SYT9: variants seen among roughly 807,000 people sequenced by gnomAD.
SYT9 encodes synaptotagmin-9.
In SYT9, 22 loss-of-function variants were observed where a neutral mutation model predicts 48.4. The observed-to-expected ratio is 0.45, with a 90% CI of 0.32 to 0.65. The LOEUF (loss-of-function observed/expected upper bound fraction) is 0.65. Ranked by LOEUF, SYT9 falls within the 30% of genes least tolerant of loss-of-function variation. SYT9 has a pLI of 0.03. For synonymous variants in SYT9, 265 were observed against 245.0 expected, an observed-to-expected ratio of 1.08 and a Z score of -0.76; for missense variants, 577 against 622.0, an observed-to-expected ratio of 0.93 and a Z score of 0.77.
At chr11:7,437,408 G>A (rs1431735890) in intron 6 of SYT9, among the ~76,000 whole-genome samples, 1 of 152,164 alleles carries the variant, frequency 6.6e-6, no homozygotes, top group Non-Finnish European at 1.5e-5. Context: ...ATAACGTGAT[G>A]CACTTTTTAA....
chr11:7,360,234 A>G (rs961114435), intron 3 of SYT9, among the ~76,000 whole-genome samples: 35 of 152,260 alleles, frequency 2.3e-4, no homozygotes, highest in African/African-American at 8.4e-4. Flanking sequence ...TACCAGTACC[A>G]TGCTGTTTTG....
At chr11:7,409,793 T>G (rs1396157958) in intron 3 of SYT9, among the ~76,000 whole-genome samples, 2 of 152,144 alleles carry the variant, frequency 1.3e-5, no homozygotes, top group Non-Finnish European at 2.9e-5. Context: ...TGTTTATCTT[T>G]TTTTTGAAGA....
At chr11:7,447,788 G>C (rs1260087832) in intron 6 of SYT9, among the ~76,000 whole-genome samples, 1 of 152,186 alleles carries the variant, frequency 6.6e-6, no homozygotes, top group African/African-American at 2.4e-5. Flanking sequence ...CCTGAGAACA[G>C]ATACTGTATC....
intron 1 of SYT9, among the ~76,000 whole-genome samples, chr11:7,297,487 A>G (rs1009849813): frequency 2.6e-5 from 4 of 152,236 alleles, no homozygotes; most frequent in Non-Finnish European, 4.4e-5. Context: ...TAATATTATT[A>G]CATTTTTAGT....
intron 1 of SYT9, among the ~76,000 whole-genome samples, chr11:7,270,398 G>A (rs558872579): frequency 6.4e-4 from 97 of 152,192 alleles, no homozygotes; most frequent in Non-Finnish European, 1.1e-3. Flanking sequence ...AGTGAGAATC[G>A]TTTGCTTTCA....
intron 1 of SYT9, among the ~76,000 whole-genome samples, chr11:7,290,886 T>A (rs2133918696): frequency 6.6e-6 from 1 of 152,246 alleles, no homozygotes; most frequent in East Asian, 1.9e-4. Context: ...AACTAGGTAA[T>A]TTGAGGAGAG....
chr11:7,295,682 T>C (rs1848790371), intron 1 of SYT9, among the ~76,000 whole-genome samples: 1 of 152,204 alleles, frequency 6.6e-6, no homozygotes, highest in Non-Finnish European at 1.5e-5. Context: ...ATTTTAGGTA[T>C]TTATTTGTTT....
In SYT9 at chr11:7,414,547, G is replaced by A. The variant is rs6578863; in HGVS notation, c.1045-1495G>A. Among the ~76,000 whole-genome samples the A allele has an allele frequency of 6.2e-4, 94 of 152,158 alleles. 1 individual carries two copies. Among genetic ancestry groups the A allele is most frequent in the African/African-American group, 1.9e-3 (77 of 41,500 alleles). ...TCTGCTGTGTGTAAAACCTCCAGTC[G>A]TATAGAATTCTAGTCCCCAAGCCCC... On this transcript the variant is annotated intron_variant, in intron 3 of 6. Coordinates refer to ENST00000318881, the MANE Select transcript of SYT9 (RefSeq NM_175733.4).
intron 3 of SYT9, among the ~76,000 whole-genome samples, chr11:7,327,951 T>G: frequency 2.0e-5 from 2 of 99,762 alleles, no homozygotes; most frequent in South Asian, 4.9e-4. Flanking sequence ...AGGGATAGCA[T>G]TGGGAGATAT....
At chr11:7,299,237 A>G in intron 1 of SYT9, among the ~76,000 whole-genome samples, 1 of 152,094 alleles carries the variant, frequency 6.6e-6, no homozygotes, top group East Asian at 1.9e-4. Flanking sequence ...CTCCCTCTCC[A>G]TTTTTGGAGG....
intron 6 of SYT9, among the ~76,000 whole-genome samples, chr11:7,445,195 C>T (rs914982779): frequency 1.3e-5 from 2 of 152,194 alleles, no homozygotes; most frequent in African/African-American, 2.4e-5. Flanking sequence ...AACACAGCAT[C>T]TGGAACTTAA....
At position 7,313,322 on chromosome 11, in the gene SYT9, C is replaced by T; in HGVS notation, c.498-73C>T. 1.4e-5 allele frequency: 20 copies of T among 1,475,692 alleles called. 2 individuals are homozygous for T. The South Asian group carries it at 2.5e-4, about 19-fold the overall frequency. The allele number at this position is 1,475,692 out of a possible 1,614,324, so 91.4% of individuals were successfully genotyped here. A position where few individuals can be genotyped will look rare whatever the true frequency, so the allele number is the denominator to read the frequency against. ...ACAAAATATAACAGTCTACCTACAT[C>T]CCAGGCAAAAGTTTCTGAGAGACCC... is the stretch of plus-strand genomic sequence containing the variant. On this transcript the variant is annotated intron_variant, in intron 2 of 6. Coordinates refer to ENST00000318881, the MANE Select transcript of SYT9 (RefSeq NM_175733.4).
upstream of SYT9, chr11:7,251,805 G>C (rs1012991785): frequency 1.2e-5 from 2 of 170,290 alleles, no homozygotes; most frequent in Admixed American, 6.4e-5. Flanking sequence ...CCAGGTCCCC[G>C]GTCTGGGGCC....
At chr11:7,452,969 A>G (rs2134150485) in intron 6 of SYT9, among the ~76,000 whole-genome samples, 1 of 152,114 alleles carries the variant, frequency 6.6e-6, no homozygotes, top group East Asian at 2.0e-4. Context: ...TTTAGTAGAG[A>G]CGGGGTTTCT....
intron 3 of SYT9, among the ~76,000 whole-genome samples, chr11:7,383,373 C>A (rs1428782742): frequency 1.3e-5 from 2 of 152,166 alleles, no homozygotes; most frequent in Admixed American, 6.5e-5. Context: ...GAAGGGAAAC[C>A]AGATGTCCCC....
At chr11:7,415,125 C>T (rs1001322076) in intron 3 of SYT9, among the ~76,000 whole-genome samples, 1 of 152,042 alleles carries the variant, frequency 6.6e-6, no homozygotes, top group Non-Finnish European at 1.5e-5. Flanking sequence ...TCTTTAGAGG[C>T]ACGCCAGCAA....
intron 6 of SYT9, among the ~76,000 whole-genome samples, chr11:7,446,015 G>C (rs1847922261): frequency 6.6e-6 from 1 of 152,228 alleles, no homozygotes; most frequent in African/African-American, 2.4e-5. Context: ...TGGTCACAAG[G>C]CTGGCTTTTG....
rs1030163920 is a variant in SYT9 at position 7,252,476 on chromosome 11, C to T, written c.145+145C>T. 3.7e-5 allele frequency: 34 copies of T among 916,118 alleles called. No homozygotes were observed. Among genetic ancestry groups the T allele is most frequent in the Non-Finnish European group, 5.0e-5 (34 of 680,254 alleles). 56.7% of individuals were successfully genotyped at this position (916,118 alleles called of 1,614,324 possible). ...AGCCAGGAGAGTGATCAAGAACCAG[C>T]GCACTGTGGCCTGATGCTGTAACCA... On this transcript the variant is annotated intron_variant, in intron 1 of 6. Coordinates refer to ENST00000318881, the MANE Select transcript of SYT9 (RefSeq NM_175733.4). This position sits in a 1 kb window ranked among gnomAD's most constrained non-coding sequence, Gnocchi z 6.3.
chr11:7,245,604 G>C (rs1847782852), intron 1 of SYT9, among the ~76,000 whole-genome samples: 1 of 151,974 alleles, frequency 6.6e-6, no homozygotes, highest in Non-Finnish European at 1.5e-5. Flanking sequence ...AATTTAAAAA[G>C]AAAAAACATT....
Sources: allele counts gnomAD v4.1 joint callset (sites outside exome capture counted in the v4.1 genomes callset), GRCh38; gene constraint gnomAD v4.1.1; non-coding constraint Gnocchi (gnomAD v3.1); transcripts MANE v1.5; gene names NCBI Gene and HGNC (gene_info 2026-07-23, HGNC 2026-07-21).